The following ASMT variants were observed in gnomAD, a reference collection of about 807,000 sequenced individuals.
ASMT encodes the protein acetylserotonin N-methyltransferase.
In ASMT, 53 loss-of-function variants were observed where a neutral mutation model predicts 41.3. That is an observed-to-expected ratio of 1.28 (90% CI 1.03 to 1.61). ASMT has a LOEUF of 1.61. ASMT is among the 40% of genes most tolerant of loss of function. The probability of loss-of-function intolerance (pLI) is 0.00; values close to 1 mark genes in which losing one functional copy is unlikely to be tolerated. For synonymous variants in ASMT, 231 were observed against 184.8 expected (o/e 1.25, Z -2.03); for missense variants, 531 against 441.3 (o/e 1.20, Z -1.82).
chrX:1,637,177 T>C (rs1283797193), intron 8 of ASMT, among the ~76,000 whole-genome samples: 1 of 63,056 alleles, frequency 1.6e-5, no homozygotes, highest in Non-Finnish European at 2.9e-5. Flanking sequence ...ATGGGGACAG[T>C]GTCCCAGTGT....
rs6644783 is a variant in ASMT at position 1,631,240 on chromosome X, G to A, written c.562+1301G>A. On this transcript the variant is annotated intron_variant, in intron 5 of 8. Transcript: ENST00000381241. ...ATTTTCAAACTTTTTTGTAGAGAAC[G>A]AGTCTCCCTATGTTGCCCTGGCTGG... Among the ~76,000 whole-genome samples the A allele has an allele frequency of 5.3e-5, 8 of 151,598 alleles. 1 individual carries two copies. The highest frequency in any genetic ancestry group is 2.0e-4 in the East Asian group (1 of 5,116).
rs752862676 is a variant in ASMT, at chrX:1,636,553, C to G, written c.903C>G (p.Cys301Trp). 2.5e-6 allele frequency: 4 copies of G among 1,610,486 alleles called. No homozygotes were observed. The highest frequency in any genetic ancestry group is 1.4e-5 in the African/African-American group (1 of 73,202). The change falls in exon 8 of 9, where the codon TGC becomes TGG. Residue 301 changes from cysteine to tryptophan, a missense_variant. Physicochemically the swap from Cys to Trp is radical, Grantham distance 215. Transcript: ENST00000381241. ...TGCTGGAGAGGATCTACCACACTTGCAAGCCAGGTAAGTTGTGGGGTTTGC... is the reference window on the plus strand; with the variant it reads ...TGCTGGAGAGGATCTACCACACTTGGAAGCCAGGTAAGTTGTGGGGTTTGC... ...SHLLERIYHTCKPGGGILVIE... is the reference protein window; with the variant it reads ...SHLLERIYHTWKPGGGILVIE...
intron 2 of ASMT, 62 bp from the exon 3 acceptor site, chrX:1,624,207 C>T (rs1374431218): frequency 1.9e-5 from 30 of 1,606,548 alleles, no homozygotes; most frequent in South Asian, 8.8e-5. Flanking sequence ...AGCTGGGGAG[C>T]GTCCGCCGGC....
chrX:1,634,057 G>A (rs1256948153), intron 7 of ASMT, among the ~76,000 whole-genome samples: 1 of 151,940 alleles, frequency 6.6e-6, no homozygotes. Flanking sequence ...ACAGGCGTGA[G>A]CCACCGCACC....
chrX:1,635,897 C>A (rs1429464911), intron 7 of ASMT, among the ~76,000 whole-genome samples: 22 of 150,880 alleles, frequency 1.5e-4, no homozygotes, highest in Non-Finnish European at 2.8e-4. Flanking sequence ...AAAAAAGAAA[C>A]CATATTATGA....
chrX:1,629,754 G>A, intron 4 of ASMT, 67 bp from the exon 5 acceptor site: 3 of 1,444,678 alleles, frequency 2.1e-6, no homozygotes, highest in Non-Finnish European at 2.9e-6. Context: ...AGGGGGTTAT[G>A]TACACCCTTG....
rs749254860 is a variant in ASMT, at chrX:1,615,137, C to T, written c.-63C>T. On this transcript the variant is annotated 5_prime_UTR_variant, in exon 1 of 9. Transcript: ENST00000381241. The stretch of plus-strand genomic sequence containing the variant: ...GGCTCTTCCCCACCTTGCCAGCAGG[C>T]TCTGTGCTCCTTGAAGCAAGCGCTC... 4.8e-5 allele frequency: 71 copies of T among 1,481,748 alleles called. 2 individuals are homozygous for T. In the South Asian group the frequency reaches 8.1e-4, roughly 17 times the overall value. The allele number at this position is 1,481,748 out of a possible 1,614,324, so 91.8% of individuals were successfully genotyped here. A position where few individuals can be genotyped will look rare whatever the true frequency, so the allele number is the denominator to read the frequency against.
chrX:1,636,892 ATGAGGATGTGGG>A (rs1569384101), intron 8 of ASMT, among the ~76,000 whole-genome samples: 14 of 143,704 alleles, frequency 9.7e-5, no homozygotes, highest in African/African-American at 3.6e-4. Flanking sequence ...CTGATGGTTC[ATGAGGATGTGGG>A]CACAGCCTCT....
intron 6 of ASMT, 85 bp downstream of exon 6, chrX:1,632,872 G>GCTGGGGGA (rs1556125495): frequency 1.9e-6 from 1 of 537,006 alleles, no homozygotes; most frequent in African/African-American, 1.9e-5. Context: ...GGGCTGGGAG[G>GCTGGGGGA]CTGGGGGAGG....
At chrX:1,617,168 G>C (rs1934165180) in intron 1 of ASMT, among the ~76,000 whole-genome samples, 1 of 151,622 alleles carries the variant, frequency 6.6e-6, no homozygotes, top group Non-Finnish European at 1.5e-5. Flanking sequence ...GCAATACTGA[G>C]TCTCTTTAAA....
intron 7 of ASMT, among the ~76,000 whole-genome samples, chrX:1,634,994 A>ATCC: frequency 1.0e-5 from 1 of 100,420 alleles, no homozygotes; most frequent in African/African-American, 4.6e-5. Flanking sequence ...TTTTTTTTTG[A>ATCC]GATGGAGTCT....
chrX:1,635,024 G>A (rs111657550), intron 7 of ASMT, among the ~76,000 whole-genome samples: 8,282 of 130,082 alleles, frequency 0.064, 380 homozygotes, highest in South Asian at 0.12. Flanking sequence ...ACCCAGGCTG[G>A]AGTGCAGTGG....
At chrX:1,631,068 G>A (rs6644639) in intron 5 of ASMT, among the ~76,000 whole-genome samples, 18,147 of 133,786 alleles carry the variant, frequency 0.14, 1,294 homozygotes, top group East Asian at 0.37. Context: ...CCGCCACCAC[G>A]CCCAGCTAAT....
intron 1 of ASMT, among the ~76,000 whole-genome samples, chrX:1,617,340 G>C (rs1413795648): frequency 6.6e-6 from 1 of 150,714 alleles, no homozygotes; most frequent in African/African-American, 2.4e-5. Flanking sequence ...CATGATGGTG[G>C]GCACCTGTCA....
At chrX:1,619,915 C>T (rs1177263947) in intron 1 of ASMT, among the ~76,000 whole-genome samples, 1 of 150,438 alleles carries the variant, frequency 6.6e-6, no homozygotes, top group Admixed American at 6.7e-5. Flanking sequence ...CACGGTGAAA[C>T]CCCGTCTCTA....
chrX:1,628,060 C>G (rs1352936709), intron 4 of ASMT: 2 of 502,336 alleles, frequency 4.0e-6, no homozygotes, highest in African/African-American at 1.9e-5. Context: ...GTGGCTCACG[C>G]CTGTCATCCC....
chrX:1,634,416 A>G (rs1471558380), intron 7 of ASMT, among the ~76,000 whole-genome samples: 8 of 152,168 alleles, frequency 5.3e-5, no homozygotes, highest in Non-Finnish European at 8.8e-5. Flanking sequence ...GACTGGTTAC[A>G]TAGACATGGC....
chrX:1,635,580 G>A (rs1934928127), intron 7 of ASMT, among the ~76,000 whole-genome samples: 1 of 151,968 alleles, frequency 6.6e-6, no homozygotes, highest in Non-Finnish European at 1.5e-5. Context: ...AAAGAACATG[G>A]GCCGGGCACA....
At chrX:1,619,170 C>A (rs1404076588) in intron 1 of ASMT, among the ~76,000 whole-genome samples, 5 of 151,756 alleles carry the variant, frequency 3.3e-5, no homozygotes, top group Non-Finnish European at 4.4e-5. Context: ...CCGAGGCGGG[C>A]GGATCACAAG....
Sources: gnomAD v4.1 joint callset for allele counts (sites outside exome capture counted in the v4.1 genomes callset) on GRCh38, gnomAD v4.1.1 for gene constraint, MANE v1.5 for transcripts, NCBI Gene and HGNC (gene_info 2026-07-23, HGNC 2026-07-21) for gene names.